HEATR1: variants seen among roughly 807,000 people sequenced by gnomAD.
HEATR1 encodes the protein HEAT repeat-containing protein 1.
In HEATR1, 77 loss-of-function variants were observed where a neutral mutation model predicts 248.2. The ratio of observed to expected loss-of-function variants is 0.31; its 90% CI spans 0.26 to 0.37. HEATR1 has a LOEUF of 0.37. Among genes scored for constraint, HEATR1 ranks in the 10% least tolerant of loss-of-function variants. The pLI, the probability that HEATR1 is intolerant of heterozygous loss-of-function variation, is 1.00. For synonymous variants in HEATR1, 897 were observed against 923.1 expected (o/e 0.97, Z 0.51); for missense variants, 2,420 against 2,504.9 (o/e 0.97, Z 0.72).
intron 33 of HEATR1, among the ~76,000 whole-genome samples, chr1:236,560,543 A>T (rs751587): frequency 1.3e-5 from 2 of 152,172 alleles, no homozygotes; most frequent in Non-Finnish European, 2.9e-5. Context: ...AGTCCTACGC[A>T]TAGCGCTACA....
At chr1:236,586,092 T>C in intron 15 of HEATR1, 149 bp downstream of exon 15, 1 of 1,261,280 alleles carries the variant, frequency 7.9e-7, no homozygotes, top group Middle Eastern at 2.7e-4. Context: ...ATGAATTGGC[T>C]TCCTTTTCAC....
rs1664192616 is a variant in HEATR1, at chr1:236,596,923, G to C, written c.657C>G (p.Phe219Leu). 6.2e-7 allele frequency: 1 copy of C among 1,613,970 alleles called. No individual in the cohort carries two copies. The highest frequency in any genetic ancestry group is 1.3e-5 in the African/African-American group (1 of 74,906). The change falls in exon 6 of 45, where the codon TTC (phenylalanine) becomes TTG (leucine). Residue 219 changes from phenylalanine to leucine, a missense_variant. Phe to Leu is a conservative substitution (Grantham distance 22). Coordinates refer to ENST00000366582, the MANE Select transcript of HEATR1 (RefSeq NM_018072.6). ...GCGCCGACACTATGGTAGAAGCATA[G>C]AAAGCCAAGAGCACCCTCAACTGAG... ...SSAQLRVLLA[F>L]YASTIVSALV...
At chr1:236,566,155 T>C in intron 30 of HEATR1, 110 bp from the exon 31 acceptor site, 2 of 1,078,208 alleles carry the variant, frequency 1.9e-6, no homozygotes, top group Non-Finnish European at 2.6e-6. Flanking sequence ...ACTACTTTAT[T>C]TAGAGTGGGT....
chr1:236,550,208 T>TC lies in HEATR1; in HGVS notation c.*693dup, dbSNP rs899425705. 6.6e-6 allele frequency: 1 copy of TC among 152,208 alleles called. No homozygotes were observed. Among genetic ancestry groups the TC allele is most frequent in the African/African-American group, 2.4e-5 (1 of 41,432 alleles). The allele number at this position is 152,208 out of a possible 1,614,324, so 9.4% of individuals were successfully genotyped here. A position where few individuals can be genotyped will look rare whatever the true frequency, so the allele number is the denominator to read the frequency against. On this transcript the variant is annotated 3_prime_UTR_variant, in exon 45 of 45. Transcript: ENST00000366582. ...GTTCATTCTGAATCCTGGAGGAGCT[T>TC]CCTCGTGCCACCCAGTGTTTCTGGG...
In HEATR1 at chr1:236,585,803, T is replaced by G. The variant is rs530096956; in HGVS notation, c.2049+17A>C. Reference sequence around the variant, plus strand: ...TGAGAAAGAAATCCAGGGGGTGGACTTTCAAAGCATACTTACCATCTTTAA... The same window carrying G: ...TGAGAAAGAAATCCAGGGGGTGGACGTTCAAAGCATACTTACCATCTTTAA... On this transcript the variant is annotated intron_variant, in intron 16 of 44. Coordinates refer to ENST00000366582, the MANE Select transcript of HEATR1 (RefSeq NM_018072.6). The G allele has an allele frequency of 3.1e-6, 5 of 1,609,968 alleles. No homozygotes were observed. In the East Asian group the frequency reaches 1.1e-4, roughly 36 times the overall value.
rs1663001159 is a variant in HEATR1, at chr1:236,557,209, C to G, written c.5341G>C (p.Gly1781Arg). ...LPHFISPYLEGILSQVIHLEK... is the reference protein window; with the variant it reads ...LPHFISPYLERILSQVIHLEK... ...TCGTGGCTCACCTGGGAGAGAATGC[C>G]TTCCAGATAGGGGCTGATGAAGTGC... The change falls in exon 37 of 45, where the codon GGC becomes CGC. Residue 1781 changes from glycine to arginine, a missense_variant. Physicochemically the swap from Gly to Arg is moderately radical, Grantham distance 125. Transcript: ENST00000366582. 2 of 1,613,924 alleles carry G rather than the reference C, an allele frequency of 1.2e-6. No individual in the cohort carries two copies. Among genetic ancestry groups the G allele is most frequent in the African/African-American group, 2.7e-5 (2 of 74,938 alleles).
At chr1:236,552,906 T>TG (rs750626581) in intron 43 of HEATR1, 9 of 152,188 alleles carry the variant, frequency 5.9e-5, no homozygotes, top group African/African-American at 4.8e-5. Flanking sequence ...GTTTAAAATG[T>TG]GGGGGTTCAT....
At chr1:236,586,032 T>G in intron 15 of HEATR1, 91 bp from the exon 16 acceptor site, 1 of 1,482,590 alleles carries the variant, frequency 6.7e-7, no homozygotes, top group South Asian at 1.2e-5. Flanking sequence ...TACTATTGTT[T>G]ATGAAGGTTT....
At chr1:236,586,728 C>G (rs1438149122) in intron 14 of HEATR1, among the ~76,000 whole-genome samples, 1 of 151,624 alleles carries the variant, frequency 6.6e-6, no homozygotes, top group Admixed American at 6.6e-5. Flanking sequence ...CTCATCCTGT[C>G]TAATCTTAAA....
At chr1:236,579,570 A>G (rs1663654121) in intron 20 of HEATR1, among the ~76,000 whole-genome samples, 1 of 152,218 alleles carries the variant, frequency 6.6e-6, no homozygotes, top group Admixed American at 6.5e-5. Flanking sequence ...GTAAAAAGAT[A>G]AATTTTTCCA....
Position 236,571,593 on chromosome 1 carries a change from A to AGAT in HEATR1, c.3798_3800dup (p.Ser1267dup), listed in dbSNP as rs1395655447. ...CTTTGGGTATTTTGCCACCATCTGG[A>AGAT]GATAGTTTTTGGCAGATGTTGAGCA... On this transcript the variant is annotated inframe_insertion, in exon 27 of 45. Transcript: ENST00000366582. The AGAT allele has an allele frequency of 2.5e-6, 4 of 1,614,004 alleles. No homozygotes were observed. The South Asian group carries it at 3.3e-5, about 13-fold the overall frequency.
In HEATR1 at chr1:236,574,353, G is replaced by A. The variant is rs1395544490; in HGVS notation, c.3328-20C>T. On this transcript the variant is annotated intron_variant, in intron 23 of 44. Transcript: ENST00000366582. The stretch of plus-strand genomic sequence containing the variant: ...TGTAATCTAGAGGGGGTAGAAAAAA[G>A]GCAACTGAGTTCAGTGAACAAGTTT... 2 of 1,598,150 alleles carry A rather than the reference G, an allele frequency of 1.3e-6. No individual in the cohort carries two copies. Among genetic ancestry groups the A allele is most frequent in the East Asian group, 4.5e-5 (2 of 44,580 alleles).
chr1:236,559,749 C>T lies in HEATR1; in HGVS notation c.4735G>A (p.Ala1579Thr), dbSNP rs747400321. ...AGGTCGTAAGCTTTACTAAGGAGCG[C>T]GCGCCAGAACTTCACGGTGAGTTTG... is the stretch of plus-strand genomic sequence containing the variant. ...ADKLTVKFWR[A>T]LLSKAYDLLD... Residue 1579 changes from alanine to threonine, a missense_variant, in exon 34 of 45, where the codon GCG becomes ACG. Ala to Thr is a moderately conservative substitution (Grantham distance 58). Coordinates refer to ENST00000366582, the MANE Select transcript of HEATR1 (RefSeq NM_018072.6). 8.7e-6 allele frequency: 14 copies of T among 1,613,840 alleles called. No individual in the cohort carries two copies. The highest frequency in any genetic ancestry group is 1.3e-5 in the African/African-American group (1 of 74,890).
intron 37 of HEATR1, among the ~76,000 whole-genome samples, chr1:236,556,770 C>A (rs1309651519): frequency 6.6e-6 from 1 of 152,172 alleles, no homozygotes; most frequent in Non-Finnish European, 1.5e-5. Context: ...CCACTGGCCC[C>A]TAGCGTGTTG....
In HEATR1 at chr1:236,566,783, G is replaced by T. The variant is rs142597852; in HGVS notation, c.4171C>A (p.Pro1391Thr). 7.4e-6 allele frequency: 12 copies of T among 1,613,982 alleles called. No homozygotes were observed. The African/African-American group carries it at 1.5e-4, about 20-fold the overall frequency. Residue 1391 changes from proline to threonine, a missense_variant, in exon 30 of 45, where the codon CCG (proline) becomes ACG (threonine). Pro to Thr is a conservative substitution (Grantham distance 38). Coordinates refer to ENST00000366582, the MANE Select transcript of HEATR1 (RefSeq NM_018072.6). ...AGGATGGGCAGGCGCCTGTGCTCCG[G>T]GACGTGTGGCAGCGCATCCACAAAT... ...SVFVDALPHVPEHRRLPILVQ... is the reference protein window; with the variant it reads ...SVFVDALPHVTEHRRLPILVQ...
intron 31 of HEATR1, among the ~76,000 whole-genome samples, chr1:236,565,231 G>A (rs1330577628): frequency 6.6e-6 from 1 of 152,208 alleles, no homozygotes; most frequent in African/African-American, 2.4e-5. Context: ...TCTCTGCGGA[G>A]CTCTTAGAGT....
intron 14 of HEATR1, among the ~76,000 whole-genome samples, chr1:236,587,105 G>T (rs1447467076): frequency 6.6e-6 from 1 of 151,996 alleles, no homozygotes; most frequent in Non-Finnish European, 1.5e-5. Context: ...ACATAAAGCA[G>T]CAAATTAGAA....
At chr1:236,553,927 T>C (rs1005675188) in intron 42 of HEATR1, among the ~76,000 whole-genome samples, 188 bp from the exon 43 acceptor site, 7 of 152,154 alleles carry the variant, frequency 4.6e-5, no homozygotes, top group Non-Finnish European at 7.3e-5. Context: ...CTCATACCCT[T>C]TATCATCGCC....
chr1:236,604,209 C>T, intron 1 of HEATR1, 82 bp from the exon 2 acceptor site: 1 of 1,151,446 alleles, frequency 8.7e-7, no homozygotes, highest in Non-Finnish European at 1.2e-6. Context: ...CTGCACTCAG[C>T]ACCGTCATGG....
Sources: gnomAD v4.1 joint callset for allele counts (sites outside exome capture counted in the v4.1 genomes callset) on GRCh38, gnomAD v4.1.1 for gene constraint, MANE v1.5 for transcripts, NCBI Gene and HGNC (gene_info 2026-07-23, HGNC 2026-07-21) for gene names.